WLS: variants seen among roughly 807,000 people sequenced by gnomAD.
WLS encodes protein wntless homolog.
Under a neutral mutation model 62.8 loss-of-function variants are expected in WLS, and 23 were observed. The observed-to-expected ratio is 0.37, with a 90% CI of 0.26 to 0.52. The LOEUF is 0.52. Ranked by LOEUF, WLS falls within the 20% of genes least tolerant of loss-of-function variation. The pLI, the probability that WLS is intolerant of heterozygous loss-of-function variation, is 0.92. For synonymous variants in WLS, 246 were observed against 244.1 expected (o/e 1.01, Z -0.07); for missense variants, 615 against 697.3 (o/e 0.88, Z 1.33).
At chr1:68,111,029 T>C (rs1646222794) in intron 11 of WLS, among the ~76,000 whole-genome samples, 1 of 152,118 alleles carries the variant, frequency 6.6e-6, no homozygotes, top group Non-Finnish European at 1.5e-5. Context: ...AAAGAAAACA[T>C]TGGTAAATCA....
chr1:68,175,351 A>C (rs1647221303), intron 2 of WLS, among the ~76,000 whole-genome samples: 1 of 152,202 alleles, frequency 6.6e-6, no homozygotes, highest in Non-Finnish European at 1.5e-5. Context: ...TGTGAGAGGG[A>C]GGCAAAATGA....
Position 68,153,658 on chromosome 1 carries a change from G to A in WLS, c.667-5C>T, listed in dbSNP as rs1339480959. The stretch of plus-strand genomic sequence containing the variant: ...GCCTCCATTTTGGTGGATCCCCTAG[G>A]CAGAGACCAGTGATAATTTTGAAGG... On this transcript the variant is annotated splice_region_variant and splice_polypyrimidine_tract_variant and intron_variant, in intron 4 of 11. Transcript: ENST00000262348. The A allele has an allele frequency of 3.1e-6, 5 of 1,613,980 alleles. No homozygotes were observed. In the East Asian group the frequency reaches 8.9e-5, roughly 29 times the overall value.
At chr1:68,173,026 T>G (rs1427796780) in intron 2 of WLS, among the ~76,000 whole-genome samples, 1 of 152,092 alleles carries the variant, frequency 6.6e-6, no homozygotes, top group Non-Finnish European at 1.5e-5. Context: ...CAAAGAGACA[T>G]CCTAAGGAAA....
chr1:68,209,423 G>T (rs1194704108), intron 1 of WLS, among the ~76,000 whole-genome samples: 1 of 152,208 alleles, frequency 6.6e-6, no homozygotes, highest in African/African-American at 2.4e-5. Flanking sequence ...CCACTTGTTG[G>T]ATATTTTTTA....
Position 68,126,010 on chromosome 1 carries a change from G to T in WLS, c.*216C>A. ...GAAAATGTGTCATACCAGAGTTTTT[G>T]TTATCATACACAATGCATTAGTGGC... On this transcript the variant is annotated 3_prime_UTR_variant, in exon 12 of 12. Coordinates refer to ENST00000262348, the MANE Select transcript of WLS (RefSeq NM_024911.7). 2.3e-6 allele frequency: 3 copies of T among 1,327,142 alleles called. No homozygotes were observed. The highest frequency in any genetic ancestry group is 3.4e-5 in the Admixed American group (1 of 29,694). 82.2% of individuals were successfully genotyped at this position (1,327,142 alleles called of 1,614,324 possible).
chr1:68,224,552 T>C (rs1033678879), intron 1 of WLS, among the ~76,000 whole-genome samples: 41 of 152,220 alleles, frequency 2.7e-4, no homozygotes, highest in African/African-American at 7.7e-4. Flanking sequence ...TCTTTTGCTG[T>C]ATGCAATAAT....
intron 2 of WLS, among the ~76,000 whole-genome samples, chr1:68,180,911 A>G (rs1316483963): frequency 6.6e-6 from 1 of 152,168 alleles, no homozygotes; most frequent in Non-Finnish European, 1.5e-5. Context: ...AATTACTACT[A>G]TCTCTCTACT....
chr1:68,220,694 A>G (rs752657482), intron 1 of WLS, among the ~76,000 whole-genome samples: 1 of 152,176 alleles, frequency 6.6e-6, no homozygotes, highest in Non-Finnish European at 1.5e-5. Context: ...TCGAGCCAAC[A>G]CTTATTTTTA....
At chr1:68,193,359 T>TGG (rs2100602627) in intron 2 of WLS, among the ~76,000 whole-genome samples, 1 of 116,754 alleles carries the variant, frequency 8.6e-6, no homozygotes, top group Non-Finnish European at 1.6e-5. Flanking sequence ...GAAAAGTTTA[T>TGG]ATGTCTCATG....
intron 1 of WLS, among the ~76,000 whole-genome samples, chr1:68,225,563 T>C (rs1571040341): frequency 6.6e-6 from 1 of 152,228 alleles, no homozygotes. Flanking sequence ...AATCTTTCAA[T>C]AGAGAAATCT....
intron 1 of WLS, among the ~76,000 whole-genome samples, chr1:68,225,509 T>G (rs2100668349): frequency 6.6e-6 from 1 of 152,308 alleles, no homozygotes; most frequent in East Asian, 1.9e-4. Context: ...ATGCTCCCTG[T>G]GTCTCATTAC....
chr1:68,195,966 G>A (rs1648638852), intron 1 of WLS, among the ~76,000 whole-genome samples: 1 of 151,848 alleles, frequency 6.6e-6, no homozygotes, highest in African/African-American at 2.4e-5. Context: ...CTTTATGTAT[G>A]TAAGCATGTT....
Position 68,125,967 on chromosome 1 carries a change from T to A in WLS, c.*259A>T. Reference sequence around the variant, plus strand: ...GCTGCTACAGATGTTACTATGTCACTAATTAACAATGATCACAGAAAATGT... The same window carrying A: ...GCTGCTACAGATGTTACTATGTCACAAATTAACAATGATCACAGAAAATGT... On this transcript the variant is annotated 3_prime_UTR_variant, in exon 12 of 12. Coordinates refer to ENST00000262348, the MANE Select transcript of WLS (RefSeq NM_024911.7). 3 of 1,215,082 alleles carry A rather than the reference T, an allele frequency of 2.5e-6. No individual in the cohort carries two copies. Among genetic ancestry groups the A allele is most frequent in the Non-Finnish European group, 2.1e-6 (2 of 970,676 alleles). 75.3% of individuals were successfully genotyped at this position (1,215,082 alleles called of 1,614,324 possible).
intron 2 of WLS, chr1:68,161,815 G>A (rs190065630): frequency 3.7e-6 from 6 of 1,603,182 alleles, no homozygotes; most frequent in Admixed American, 1.7e-5. Context: ...GGGAGAGGGC[G>A]CCTGGGAAGG....
At chr1:68,196,115 T>A (rs1334455848) in intron 1 of WLS, among the ~76,000 whole-genome samples, 1 of 151,432 alleles carries the variant, frequency 6.6e-6, no homozygotes, top group African/African-American at 2.4e-5. Flanking sequence ...CAAATTTACA[T>A]CTTTTTGCTA....
downstream of WLS, chr1:68,125,275 G>A (rs2100372825): frequency 1.1e-6 from 1 of 944,066 alleles, no homozygotes; most frequent in Admixed American, 6.2e-5. Context: ...TGATGATAAA[G>A]TATATCAGTT....
At chr1:68,190,599 A>G (rs1648234725) in intron 2 of WLS, among the ~76,000 whole-genome samples, 1 of 152,188 alleles carries the variant, frequency 6.6e-6, no homozygotes, top group Admixed American at 6.5e-5. Context: ...GAAGCCTGCC[A>G]ACAACCATGT....
chr1:68,222,404 A>G (rs1264488204), intron 1 of WLS, among the ~76,000 whole-genome samples: 2 of 152,230 alleles, frequency 1.3e-5, no homozygotes, highest in South Asian at 2.1e-4. Context: ...TTGGCTAAGT[A>G]TATTAAGGAT....
chr1:68,101,852 C>T (rs1313229206), intron 11 of WLS, among the ~76,000 whole-genome samples: 4 of 152,098 alleles, frequency 2.6e-5, no homozygotes, highest in African/African-American at 4.8e-5. Context: ...ATAGTTACAG[C>T]GAGAAATACT....
Sources: allele counts gnomAD v4.1 joint callset (sites outside exome capture counted in the v4.1 genomes callset), GRCh38; gene constraint gnomAD v4.1.1; transcripts MANE v1.5; gene names NCBI Gene and HGNC (gene_info 2026-07-23, HGNC 2026-07-21).